The following SEMA3A variants were observed in gnomAD, a reference collection of about 807,000 sequenced individuals.
SEMA3A encodes semaphorin 3A.
A neutral mutation model predicts 97.9 loss-of-function variants in SEMA3A; 29 were observed. That is an observed-to-expected ratio of 0.30 (90% CI 0.22 to 0.40). SEMA3A has a LOEUF of 0.40. Among genes scored for constraint, SEMA3A ranks in the 10% least tolerant of loss-of-function variants. The probability of loss-of-function intolerance (pLI) is 1.00; values close to 1 mark genes in which losing one functional copy is unlikely to be tolerated. For synonymous variants in SEMA3A, 321 were observed against 323.7 expected (o/e 0.99, Z 0.09); for missense variants, 763 against 951.3 (o/e 0.80, Z 2.60).
At position 84,031,965 on chromosome 7, in the gene SEMA3A, G is replaced by A. The variant is rs902927733; in HGVS notation, c.667+14359C>T. ...TTGGTATTTGTGAATTCCAGTAACT[G>A]TTTTATTCAAAATAAAAAAAATTGT... On this transcript the variant is annotated intron_variant, in intron 6 of 16. Coordinates refer to ENST00000265362, the MANE Select transcript of SEMA3A (RefSeq NM_006080.3). Among the ~76,000 whole-genome samples, 4 of 152,112 alleles carry A rather than the reference G, an allele frequency of 2.6e-5. No individual in the cohort carries two copies. In the East Asian group the frequency reaches 7.7e-4, roughly 29 times the overall value.
chr7:84,268,986 C>T (rs2115694542), intron 3 of SEMA3A, among the ~76,000 whole-genome samples: 1 of 152,256 alleles, frequency 6.6e-6, no homozygotes, highest in Non-Finnish European at 1.5e-5. Flanking sequence ...TACTGTACAA[C>T]TAGAAGAAAG....
At chr7:84,190,831 G>C (rs1441321297) in intron 1 of SEMA3A, among the ~76,000 whole-genome samples, 1 of 150,162 alleles carries the variant, frequency 6.7e-6, no homozygotes, top group Non-Finnish European at 1.5e-5. Flanking sequence ...GTAGATTGCT[G>C]AGGTTATTTT....
At chr7:84,271,565 T>C (rs1476005437) in intron 3 of SEMA3A, among the ~76,000 whole-genome samples, 1 of 152,148 alleles carries the variant, frequency 6.6e-6, no homozygotes, top group African/African-American at 2.4e-5. Context: ...TATAGAGCCA[T>C]GTTATCTGGT....
At chr7:84,408,793 G>T (rs1402659334) in intron 1 of SEMA3A, among the ~76,000 whole-genome samples, 9 of 151,228 alleles carry the variant, frequency 6.0e-5, no homozygotes, top group Non-Finnish European at 8.8e-5. Flanking sequence ...CTATCGCAAG[G>T]ACAAAAAACC....
At chr7:84,086,600 T>TTACATATAA (rs1562770446) in intron 4 of SEMA3A, among the ~76,000 whole-genome samples, 43 of 141,102 alleles carry the variant, frequency 3.0e-4, no homozygotes, top group African/African-American at 5.0e-4. Context: ...TATATTATAT[T>TTACATATAA]TATAATCCTC....
chr7:84,205,778 A>T (rs775513890), intron 3 of SEMA3A, among the ~76,000 whole-genome samples: 1 of 152,198 alleles, frequency 6.6e-6, no homozygotes, highest in Admixed American at 6.5e-5. Context: ...TTGAAAGTTC[A>T]TTCCTATTGT....
At chr7:84,429,547 T>TATATATAG (rs1443588588) in intron 1 of SEMA3A, among the ~76,000 whole-genome samples, 1 of 115,946 alleles carries the variant, frequency 8.6e-6, no homozygotes. Context: ...TATATATATA[T>TATATATAG]AGCGAGAGAG....
intron 4 of SEMA3A, among the ~76,000 whole-genome samples, chr7:84,094,948 A>C (rs1441261275): frequency 6.6e-6 from 1 of 151,840 alleles, no homozygotes; most frequent in Non-Finnish European, 1.5e-5. Context: ...ATATCCAAGC[A>C]GTCTAACATT....
rs549866116 is a variant in SEMA3A, at chr7:84,391,718, T to C, written c.-245-19818A>G. On this transcript the variant is annotated intron_variant, in intron 1 of 3. Transcript: ENST00000424555. ...CAGGCATGGTGGCTCACACCTGTGATCTTAGCACTTTGGGAGGTCAAGGTG... is the reference window on the plus strand; with the variant it reads ...CAGGCATGGTGGCTCACACCTGTGACCTTAGCACTTTGGGAGGTCAAGGTG... 1.5e-4 allele frequency among the ~76,000 whole-genome samples: 23 copies of C among 152,250 alleles called. No homozygotes were observed. In the South Asian group the frequency reaches 4.6e-3, roughly 30 times the overall value.
chr7:84,429,299 A>C (rs955202990), intron 1 of SEMA3A, among the ~76,000 whole-genome samples: 1 of 151,460 alleles, frequency 6.6e-6, no homozygotes, highest in African/African-American at 2.4e-5. Flanking sequence ...AGATACTTCA[A>C]AATTGAACTA....
At chr7:84,295,191 C>A (rs1800838769) in intron 3 of SEMA3A, among the ~76,000 whole-genome samples, 1 of 151,996 alleles carries the variant, frequency 6.6e-6, no homozygotes, top group African/African-American at 2.4e-5. Context: ...GTAGTCTAGA[C>A]TAGCAATTGG....
At position 84,404,040 on chromosome 7, in the gene SEMA3A, C is replaced by T. The variant is rs187728794; in HGVS notation, c.-245-32140G>A. 2.5e-3 allele frequency among the ~76,000 whole-genome samples: 383 copies of T among 152,172 alleles called. 2 individuals carry two copies. Among genetic ancestry groups the T allele is most frequent in the Admixed American group, 4.1e-3 (63 of 15,278 alleles). The stretch of plus-strand genomic sequence containing the variant: ...TCACCAGCAACAGAACAAAGCTGGA[C>T]GGAGAACGACTTTGAAGAGTTGAGA... On this transcript the variant is annotated intron_variant, in intron 1 of 3. Coordinates refer to the SEMA3A transcript ENST00000424555.
intron 1 of SEMA3A, among the ~76,000 whole-genome samples, chr7:84,426,666 G>A (rs1045101470): frequency 2.6e-5 from 4 of 151,924 alleles, no homozygotes; most frequent in South Asian, 4.2e-4. Flanking sequence ...CTCTTAATGA[G>A]GTTTAATCTT....
At chr7:84,186,349 A>G (rs1014536262) in intron 1 of SEMA3A, among the ~76,000 whole-genome samples, 31 of 152,202 alleles carry the variant, frequency 2.0e-4, no homozygotes, top group Admixed American at 6.6e-4. Context: ...TATTTTATAC[A>G]TAGAACGCAA....
chr7:84,365,491 T>C (rs200204820), intron 2 of SEMA3A, among the ~76,000 whole-genome samples: 1 of 77,706 alleles, frequency 1.3e-5, no homozygotes, highest in Non-Finnish European at 2.5e-5. Flanking sequence ...TCATCTCTCT[T>C]TGTCTCCAAA....
At chr7:84,139,820 AATAAATT>A (rs1796247292) in intron 1 of SEMA3A, among the ~76,000 whole-genome samples, 1 of 152,106 alleles carries the variant, frequency 6.6e-6, no homozygotes, top group South Asian at 2.1e-4. Context: ...GTTACAACAG[AATAAATT>A]ATAAATTATA....
chr7:84,150,826 A>T, intron 1 of SEMA3A, among the ~76,000 whole-genome samples: 1 of 151,954 alleles, frequency 6.6e-6, no homozygotes, highest in Non-Finnish European at 1.5e-5. Flanking sequence ...ACCTCTGCAG[A>T]CTTAAATGGC....
chr7:84,109,870 T>C (rs575092776), intron 4 of SEMA3A, among the ~76,000 whole-genome samples: 2 of 152,320 alleles, frequency 1.3e-5, no homozygotes, highest in African/African-American at 4.8e-5. Flanking sequence ...TTATCTTGAT[T>C]TTTGCTTAAA....
chr7:84,422,932 T>G (rs1317771882), intron 1 of SEMA3A, among the ~76,000 whole-genome samples: 1 of 152,052 alleles, frequency 6.6e-6, no homozygotes, highest in Admixed American at 6.6e-5. Flanking sequence ...TTCCCCAGTC[T>G]ATCCTTTTAA....
Sources: gnomAD v4.1 joint callset for allele counts (sites outside exome capture counted in the v4.1 genomes callset) on GRCh38, gnomAD v4.1.1 for gene constraint, MANE v1.5 for transcripts, NCBI Gene and HGNC (gene_info 2026-07-23, HGNC 2026-07-21) for gene names.